The following BRD9 variants were observed in gnomAD, a reference collection of about 807,000 sequenced individuals.
The protein encoded by BRD9 is bromodomain-containing protein 9.
In BRD9, 47 loss-of-function variants were observed where a neutral mutation model predicts 68.7. The observed-to-expected ratio is 0.68, with a 90% CI of 0.54 to 0.87. The LOEUF is 0.87. BRD9 is among the 40% of genes least tolerant of loss of function. The probability of loss-of-function intolerance (pLI) is 0.00; values close to 1 mark genes in which losing one functional copy is unlikely to be tolerated. For missense variants in BRD9, 670 were observed against 748.4 expected (o/e 0.90, Z 1.22); for synonymous variants, 313 against 293.9 (o/e 1.06, Z -0.67).
At chr5:871,686 T>A (rs1750150505) in intron 12 of BRD9, 122 bp from the exon 13 acceptor site, 1 of 906,050 alleles carries the variant, frequency 1.1e-6, no homozygotes, top group African/African-American at 1.6e-5. Flanking sequence ...TGCTCCCCAG[T>A]CACACCATCT....
intron 3 of BRD9, among the ~76,000 whole-genome samples, chr5:890,250 A>G (rs1190207168): frequency 6.6e-6 from 1 of 152,178 alleles, no homozygotes; most frequent in Non-Finnish European, 1.5e-5. Context: ...GGAGCTCAGA[A>G]GGCCACCAGC....
intron 13 of BRD9, 64 bp from the exon 14 acceptor site, chr5:870,639 A>G: frequency 8.8e-7 from 1 of 1,142,748 alleles, no homozygotes; most frequent in Non-Finnish European, 1.3e-6. Flanking sequence ...ATGTTACTTC[A>G]CACTCGCTAT....
chr5:870,543 A>G lies in BRD9; in HGVS notation c.1455T>C (p.Ser485=). Residue 485 remains serine (S), a synonymous_variant, in exon 14 of 16, where the codon TCT becomes TCC. Coordinates refer to ENST00000467963, the MANE Select transcript of BRD9 (RefSeq NM_023924.5). ...VGDTLGDSSS[S]VLEFMSMKSY... Reference sequence around the variant, plus strand: ...ACTTCATCGACATGAACTCCAGAACAGAGCTGCTGCTGTCTCCTAGGGTGT... The same window carrying G: ...ACTTCATCGACATGAACTCCAGAACGGAGCTGCTGCTGTCTCCTAGGGTGT... The G allele has an allele frequency of 1.2e-6, 2 of 1,614,236 alleles. No homozygotes were observed. The highest frequency in any genetic ancestry group is 1.7e-6 in the Non-Finnish European group (2 of 1,180,042).
chr5:890,009 T>C (rs28692513), intron 3 of BRD9: 16,890 of 342,582 alleles, frequency 0.049, 474 homozygotes, highest in African/African-American at 0.081. Flanking sequence ...GATTATTATT[T>C]CACTTGAGGT....
Position 871,530 on chromosome 5 carries a change from G to C in BRD9, c.1418C>G (p.Ala473Gly). The C allele has an allele frequency of 6.2e-7, 1 of 1,614,064 alleles. No homozygotes were observed. Among genetic ancestry groups the C allele is most frequent in the Non-Finnish European group, 8.5e-7 (1 of 1,179,914 alleles). ...CTTCCATGTTCAAAAACTTACCTTG[G>C]CTTCATCTGGAGGCTTCATGGGAAC... ...RNVPMKPPDE[A>G]KVGDTLGDSS... Residue 473 changes from alanine to glycine, a missense_variant, in exon 13 of 16, where the codon GCC (alanine) becomes GGC (glycine). By Grantham distance (60) the Ala-to-Gly change is moderately conservative (BLOSUM62 0). Coordinates refer to ENST00000467963, the MANE Select transcript of BRD9 (RefSeq NM_023924.5).
In BRD9 at chr5:876,010, G is replaced by GT. The variant is rs1750858550; in HGVS notation, c.1383+90dup. 4 of 849,966 alleles carry GT rather than the reference G, an allele frequency of 4.7e-6. No individual in the cohort carries two copies. In the East Asian group the frequency reaches 1.1e-4, roughly 23 times the overall value. The allele number at this position is 849,966 out of a possible 1,614,324, so 52.7% of individuals were successfully genotyped here. A position where few individuals can be genotyped will look rare whatever the true frequency, so the allele number is the denominator to read the frequency against. On this transcript the variant is annotated intron_variant, in intron 12 of 15. Transcript: ENST00000467963. ...AGCAGAGTCCCTGCGACAGCTCCTC[G>GT]TCCCCGAAAGCCTGGTCAGGCTGCA...
chr5:870,472 C>T lies in BRD9; in HGVS notation c.1525+1G>A. 6.2e-7 allele frequency: 1 copy of T among 1,612,358 alleles called. No homozygotes were observed. Among genetic ancestry groups the T allele is most frequent in the Non-Finnish European group, 8.5e-7 (1 of 1,178,392 alleles). Reference sequence around the variant, plus strand: ...GTGGGAAAGTGCCTGTTACAACTCACCCAGAGAGCTGAGCATGGAGATATC... The same window carrying T: ...GTGGGAAAGTGCCTGTTACAACTCATCCAGAGAGCTGAGCATGGAGATATC... On this transcript the variant is annotated splice_donor_variant, in intron 14 of 15. Coordinates refer to ENST00000467963, the MANE Select transcript of BRD9 (RefSeq NM_023924.5). LOFTEE classifies it high-confidence loss of function.
chr5:867,560 A>T (rs1422982974), intron 14 of BRD9, among the ~76,000 whole-genome samples: 1 of 152,262 alleles, frequency 6.6e-6, no homozygotes, highest in Non-Finnish European at 1.5e-5. Context: ...GGGCTGCCCA[A>T]GGCCGTGGGA....
At chr5:888,708 G>A (rs1398827208) in intron 5 of BRD9, among the ~76,000 whole-genome samples, 1 of 152,224 alleles carries the variant, frequency 6.6e-6, no homozygotes, top group South Asian at 2.1e-4. Flanking sequence ...AAAATGTCTA[G>A]TCTCAAGCCG....
rs531150732 is a variant in BRD9, at chr5:878,268, C to G, written c.1271+87G>C. The stretch of plus-strand genomic sequence containing the variant: ...CGGCTGCAAGATGGCTCTCTCCCCA[C>G]CCGCACACATGTGGGACTCCACGTC... On this transcript the variant is annotated intron_variant, in intron 11 of 15. Coordinates refer to ENST00000467963, the MANE Select transcript of BRD9 (RefSeq NM_023924.5). 909 of 1,569,966 alleles carry G rather than the reference C, an allele frequency of 5.8e-4. 2 individuals carry two copies. Among genetic ancestry groups the G allele is most frequent in the Middle Eastern group, 1.5e-3 (9 of 5,942 alleles).
chr5:889,576 C>A lies in BRD9; in HGVS notation c.461+11G>T, dbSNP rs1449031275. The A allele has an allele frequency of 6.2e-7, 1 of 1,613,488 alleles. No individual in the cohort carries two copies. On this transcript the variant is annotated intron_variant, in intron 4 of 15. Coordinates refer to ENST00000467963, the MANE Select transcript of BRD9 (RefSeq NM_023924.5). ...CCCAGACACTAGCTCTTCAGAAACG[C>A]CCCGGTTTACCTCTGAAGCTGGCGG...
At chr5:868,938 T>C (rs910465724) in intron 14 of BRD9, 6 of 192,910 alleles carry the variant, frequency 3.1e-5, no homozygotes, top group Admixed American at 1.2e-4. Flanking sequence ...TCGGGGGCGC[T>C]GCACCGGCAG....
chr5:888,283 G>A (rs1203517054), intron 5 of BRD9: 2 of 152,418 alleles, frequency 1.3e-5, no homozygotes, highest in African/African-American at 4.8e-5. Flanking sequence ...GGAATACAGA[G>A]GGCTTTCGGG....
chr5:866,348 G>T (rs1425670537), intron 14 of BRD9: 1 of 152,330 alleles, frequency 6.6e-6, no homozygotes, highest in African/African-American at 2.4e-5. Context: ...GAAGGAGCAG[G>T]AAAACACAGC....
At chr5:881,648 G>C (rs1035778295) in intron 8 of BRD9, 4 of 185,420 alleles carry the variant, frequency 2.2e-5, no homozygotes, top group African/African-American at 9.4e-5. Flanking sequence ...GCAGACTTGG[G>C]GTTCAAGGGG....
chr5:889,800 G>T, intron 3 of BRD9, 153 bp from the exon 4 acceptor site: 1 of 1,461,946 alleles, frequency 6.8e-7, no homozygotes, highest in Non-Finnish European at 9.1e-7. Flanking sequence ...ACTCAGCCTT[G>T]GCTCCCACCA....
At chr5:886,487 A>C (rs1338905271) in intron 7 of BRD9, 105 bp downstream of exon 7, 1 of 1,113,954 alleles carries the variant, frequency 9.0e-7, no homozygotes. Context: ...TCTATGTGAC[A>C]TGACATCCGT....
At chr5:867,655 C>A (rs980395558) in intron 14 of BRD9, among the ~76,000 whole-genome samples, 4 of 152,244 alleles carry the variant, frequency 2.6e-5, no homozygotes. Flanking sequence ...TAATGACTGC[C>A]CTGCTGGGTT....
chr5:867,715 G>C (rs1579900447), intron 14 of BRD9, among the ~76,000 whole-genome samples: 1 of 152,170 alleles, frequency 6.6e-6, no homozygotes. Flanking sequence ...TCTCCCTCTT[G>C]GGATAGGTCT....
Sources: gnomAD v4.1 joint callset for allele counts (sites outside exome capture counted in the v4.1 genomes callset) on GRCh38, gnomAD v4.1.1 for gene constraint, MANE v1.5 for transcripts, NCBI Gene and HGNC (gene_info 2026-07-23, HGNC 2026-07-21) for gene names.